The following MAP4 variants were observed in gnomAD, a reference collection of about 807,000 sequenced individuals.
MAP4 encodes microtubule-associated protein 4.
Under a neutral mutation model 170.2 loss-of-function variants are expected in MAP4, and 76 were observed. The observed-to-expected ratio is 0.45, with a 90% CI of 0.37 to 0.54. The LOEUF is 0.54. Among genes scored for constraint, MAP4 ranks in the 20% least tolerant of loss-of-function variants. The pLI, the probability that MAP4 is intolerant of heterozygous loss-of-function variation, is 0.00. For synonymous variants in MAP4, 909 were observed against 994.5 expected, an observed-to-expected ratio of 0.91 and a Z score of 1.62; for missense variants, 2,506 against 2,748.0, an observed-to-expected ratio of 0.91 and a Z score of 1.97.
chr3:48,061,920 T>TG (rs2100135785), intron 1 of MAP4, among the ~76,000 whole-genome samples: 3 of 143,120 alleles, frequency 2.1e-5, no homozygotes, highest in Admixed American at 1.4e-4. Context: ...GTCCGGGAGG[T>TG]GGGGGGCACC....
intron 3 of MAP4, among the ~76,000 whole-genome samples, chr3:47,943,262 C>T (rs905019798): frequency 5.3e-5 from 8 of 152,114 alleles, no homozygotes; most frequent in Non-Finnish European, 8.8e-5. Flanking sequence ...ACTATATTAG[C>T]GTCCTTCTCC....
rs927204383 is a variant in MAP4, at chr3:47,971,581, G to A, written c.292+6284C>T. 5.9e-5 allele frequency among the ~76,000 whole-genome samples: 9 copies of A among 152,168 alleles called. No individual in the cohort carries two copies. In the East Asian group the frequency reaches 1.7e-3, roughly 29 times the overall value. On this transcript the variant is annotated intron_variant, in intron 3 of 20. Coordinates refer to ENST00000683076, the MANE Select transcript of MAP4 (RefSeq NM_001385682.1). Reference sequence around the variant, plus strand: ...TACGATGGAAACAACCAGTAACACTGCCATTTGTACAGCACTTAGTGCAAT... The same window carrying A: ...TACGATGGAAACAACCAGTAACACTACCATTTGTACAGCACTTAGTGCAAT...
intron 1 of MAP4, among the ~76,000 whole-genome samples, chr3:48,046,316 CAG>C (rs1443363799): frequency 1.3e-5 from 2 of 152,164 alleles, no homozygotes; most frequent in African/African-American, 2.4e-5. Context: ...TATGTAGTGA[CAG>C]AAGAGCTGGC....
intron 7 of MAP4, 140 bp downstream of exon 7, chr3:47,915,811 T>C (rs2100038447): frequency 3.4e-6 from 3 of 870,646 alleles, no homozygotes; most frequent in Non-Finnish European, 5.2e-6. Flanking sequence ...GAAAGAGTTG[T>C]CTAGGAGAGC....
chr3:47,940,594 C>T lies in MAP4; in HGVS notation c.293-12244G>A, dbSNP rs995508568. Reference sequence around the variant, plus strand: ...TTTTCTATCTCTGTGAAATTGAAGGCATTTAACAGAAAAGGCATATGGCTA... The same window carrying T: ...TTTTCTATCTCTGTGAAATTGAAGGTATTTAACAGAAAAGGCATATGGCTA... On this transcript the variant is annotated intron_variant, in intron 3 of 20. Coordinates refer to ENST00000683076, the MANE Select transcript of MAP4 (RefSeq NM_001385682.1). Among the ~76,000 whole-genome samples, 9 of 152,150 alleles carry T rather than the reference C, an allele frequency of 5.9e-5. No individual in the cohort carries two copies. In the East Asian group the frequency reaches 1.7e-3, roughly 29 times the overall value.
At chr3:47,985,901 T>C (rs2100088361) in intron 2 of MAP4, among the ~76,000 whole-genome samples, 1 of 152,238 alleles carries the variant, frequency 6.6e-6, no homozygotes, top group East Asian at 1.9e-4. Context: ...CATCAGCATT[T>C]AACTTCTGAT....
At position 47,911,663 on chromosome 3, in the gene MAP4, C is replaced by T. The variant is rs2100036034; in HGVS notation, c.2758G>A (p.Gly920Ser). 6.5e-7 allele frequency: 1 copy of T among 1,536,040 alleles called. No individual in the cohort carries two copies. The highest frequency in any genetic ancestry group is 8.7e-7 in the Non-Finnish European group (1 of 1,146,874). The change falls in exon 9 of 21, where the codon GGC (glycine) becomes AGC (serine). Residue 920 changes from glycine (G) to serine (S), a missense_variant. This residue lies in a region of MAP4 where 2,008 missense variants were observed against 2,206.0 expected (regional missense o/e 0.91). Transcript: ENST00000683076. The surrounding 1 kb of genome is among the most constrained non-coding windows in gnomAD (Gnocchi z 4.0). ...AGGGGTCCTTTCAGATTGAGAGGGCCTACTGACTGGCTTTTATCTACAGGA... is the reference window on the plus strand; with the variant it reads ...AGGGGTCCTTTCAGATTGAGAGGGCTTACTGACTGGCTTTTATCTACAGGA... ...KTPVDKSQSV[G>S]PLNLKGPLAE...
At chr3:47,988,794 A>G (rs1344413858) in intron 2 of MAP4, among the ~76,000 whole-genome samples, 2 of 151,744 alleles carry the variant, frequency 1.3e-5, no homozygotes, top group Non-Finnish European at 2.9e-5. Context: ...GTATAGTTTC[A>G]CAGAAAGAAC....
intron 9 of MAP4, among the ~76,000 whole-genome samples, chr3:47,908,331 C>T (rs776438543): frequency 1.3e-5 from 2 of 152,142 alleles, no homozygotes; most frequent in Non-Finnish European, 2.9e-5. Context: ...AGGAACACAA[C>T]ATGGGCAAGT....
At chr3:47,978,642 T>C (rs975657560) in intron 2 of MAP4, among the ~76,000 whole-genome samples, 1 of 152,026 alleles carries the variant, frequency 6.6e-6, no homozygotes, top group Non-Finnish European at 1.5e-5. Context: ...TACTTATTAA[T>C]TCCCACACAG....
chr3:47,891,791 A>G (rs1414066937), intron 10 of MAP4: 3 of 1,536,450 alleles, frequency 2.0e-6, no homozygotes, highest in Middle Eastern at 3.3e-4. Context: ...TAGAGACACC[A>G]GGAGTGGGGA....
At chr3:48,028,137 C>T (rs1334348500) in intron 1 of MAP4, among the ~76,000 whole-genome samples, 1 of 152,046 alleles carries the variant, frequency 6.6e-6, no homozygotes, top group East Asian at 1.9e-4. Context: ...ACTAAAAACA[C>T]AAAAATTAGC....
At position 47,918,826 on chromosome 3, in the gene MAP4, T is replaced by C. The variant is rs777868611; in HGVS notation, c.545A>G (p.Asn182Ser). 2.5e-6 allele frequency: 4 copies of C among 1,613,096 alleles called. No individual in the cohort carries two copies. The highest frequency in any genetic ancestry group is 3.4e-6 in the Non-Finnish European group (4 of 1,179,238). ...CCACCCCTGAGGTACAACAGCTGTGTTGCAGGGAGACATACCTAATATTGA... is the reference window on the plus strand; with the variant it reads ...CCACCCCTGAGGTACAACAGCTGTGCTGCAGGGAGACATACCTAATATTGA... The part of the protein sequence containing the change: ...LKDSYGMSPC[N>S]TAVVPQGWSV... The change falls in exon 6 of 21, where the codon AAC becomes AGC. Residue 182 changes from asparagine to serine, a missense_variant. Physicochemically the swap from Asn to Ser is conservative, Grantham distance 46. Around this residue, in one of 3 missense-constraint regions of MAP4, gnomAD observed 2,008 missense variants for 2,206.0 expected, o/e 0.91. Coordinates refer to ENST00000683076, the MANE Select transcript of MAP4 (RefSeq NM_001385682.1).
chr3:47,855,907 G>A lies in MAP4; in HGVS notation c.6584-547C>T, dbSNP rs187277601. Among the ~76,000 whole-genome samples, 516 of 152,198 alleles carry A rather than the reference G, an allele frequency of 3.4e-3. No individual in the cohort carries two copies. Among genetic ancestry groups the A allele is most frequent in the Non-Finnish European group, 4.6e-3 (311 of 68,010 alleles). On this transcript the variant is annotated intron_variant, in intron 18 of 20. Coordinates refer to ENST00000683076, the MANE Select transcript of MAP4 (RefSeq NM_001385682.1). This position sits in a 1 kb window ranked among gnomAD's most constrained non-coding sequence, Gnocchi z 5.1. The stretch of plus-strand genomic sequence containing the variant: ...TGAAAATTGTCTGAGACCCTAAACC[G>A]TACCACACTCTAGCAAAAAGAAGGA...
At position 47,973,788 on chromosome 3, in the gene MAP4, G is replaced by A. The variant is rs114135644; in HGVS notation, c.292+4077C>T. 483 of 985,358 alleles carry A rather than the reference G, an allele frequency of 4.9e-4. 2 individuals are homozygous for A. The African/African-American group carries it at 8.1e-3, about 16-fold the overall frequency. 61.0% of individuals were successfully genotyped at this position (985,358 alleles called of 1,614,324 possible). A position where few individuals can be genotyped will look rare whatever the true frequency, so the allele number is the denominator to read the frequency against. On this transcript the variant is annotated intron_variant, in intron 3 of 20. Transcript: ENST00000683076. ...TACCAGTTTTGAAAAGATCCCTGGC[G>A]AAAGAAACCCCAAAATCAACTTAAT...
upstream of MAP4, among the ~76,000 whole-genome samples, chr3:48,020,780 TTTG>T (rs779002892): frequency 2.1e-4 from 32 of 152,104 alleles, no homozygotes; most frequent in Admixed American, 9.8e-4. Flanking sequence ...ATGAGTATTA[TTTG>T]TTGTTGTTGT....
chr3:47,862,837 T>C (rs915192940), intron 17 of MAP4, among the ~76,000 whole-genome samples: 3 of 152,184 alleles, frequency 2.0e-5, no homozygotes, highest in African/African-American at 2.4e-5. Flanking sequence ...ATACTTGGGA[T>C]AGGCATATAC....
intron 3 of MAP4, chr3:47,960,290 T>C (rs1350293684): frequency 4.5e-6 from 1 of 223,288 alleles, no homozygotes; most frequent in Non-Finnish European, 9.8e-6. Flanking sequence ...CAGATGCTTG[T>C]GATTCTGGAG....
chr3:47,881,737 C>G (rs2096801046), intron 10 of MAP4, among the ~76,000 whole-genome samples: 1 of 151,290 alleles, frequency 6.6e-6, no homozygotes, highest in South Asian at 2.1e-4. Context: ...TCCTGAATAG[C>G]TAGGACCACA....
Sources: gnomAD v4.1 joint callset for allele counts (sites outside exome capture counted in the v4.1 genomes callset) on GRCh38, gnomAD v4.1.1 for gene constraint, gnomAD v4.1.1 regional missense constraint, Gnocchi (gnomAD v3.1) non-coding constraint, MANE v1.5 for transcripts, NCBI Gene and HGNC (gene_info 2026-07-23, HGNC 2026-07-21) for gene names.